Variants in PM20D2 observed in about 807,000 individuals in gnomAD.
PM20D2 encodes xaa-Arg dipeptidase.
Under a neutral mutation model 42.9 loss-of-function variants are expected in PM20D2, and 33 were observed. The observed-to-expected ratio is 0.77, with a 90% CI of 0.58 to 1.03. The LOEUF (loss-of-function observed/expected upper bound fraction) is 1.03, where lower values mean the gene tolerates loss of function less well. Among genes scored for constraint, PM20D2 ranks in the 50% least tolerant of loss-of-function variants. The pLI, the probability that PM20D2 is intolerant of heterozygous loss-of-function variation, is 0.00. For synonymous variants in PM20D2, 250 were observed against 228.2 expected (o/e 1.10, Z -0.86); for missense variants, 548 against 557.0 (o/e 0.98, Z 0.16).
chr6:89,111,010 G>A, the PM20D2 span, among the ~76,000 whole-genome samples: 1 of 152,222 alleles, frequency 6.6e-6, no homozygotes, highest in East Asian at 1.9e-4. Flanking sequence ...TACTTAGGAG[G>A]CTGAGGAAGA....
chr6:89,126,085 CAA>C, the PM20D2 span, among the ~76,000 whole-genome samples: 5 of 136,054 alleles, frequency 3.7e-5, no homozygotes, highest in Admixed American at 7.4e-5. Flanking sequence ...AACTCTGTCT[CAA>C]AAAAAAAAAA....
At chr6:89,156,829 T>C (rs1250479636) in intron 4 of PM20D2, among the ~76,000 whole-genome samples, 1 of 152,204 alleles carries the variant, frequency 6.6e-6, no homozygotes, top group Non-Finnish European at 1.5e-5. Context: ...TCGATAAACA[T>C]ATGGACAGAT....
chr6:89,146,596 C>T lies in PM20D2; in HGVS notation c.452C>T (p.Pro151Leu), dbSNP rs774134948. The change falls in exon 1 of 7, where the codon CCT becomes CTT. Residue 151 changes from proline to leucine, a missense_variant. This residue lies in a region of PM20D2 where 470 missense variants were observed against 464.4 expected (regional missense o/e 1.01). Coordinates refer to ENST00000275072, the MANE Select transcript of PM20D2 (RefSeq NM_001010853.3). ...GCCTTAGAGGGCCTCCCCAGGCCGC[C>T]TCCGCCCGTGAAGGTGAGGTGGGGC... Reference protein sequence around the residue: ...RGALEGLPRPPPPVKVVVLGT... With the variant: ...RGALEGLPRPLPPVKVVVLGT... 4 of 1,449,796 alleles carry T rather than the reference C, an allele frequency of 2.8e-6. No homozygotes were observed. In the South Asian group the frequency reaches 4.1e-5, roughly 15 times the overall value. 89.8% of individuals were successfully genotyped at this position (1,449,796 alleles called of 1,614,324 possible).
intron 4 of PM20D2, 99 bp downstream of exon 4, chr6:89,155,001 C>T (rs1271566033): frequency 9.1e-7 from 1 of 1,100,982 alleles, no homozygotes; most frequent in Non-Finnish European, 1.2e-6. Flanking sequence ...TATTTGGTGA[C>T]ATGTTGAATA....
chr6:89,117,698 C>G, the PM20D2 span: 1 of 973,514 alleles, frequency 1.0e-6, no homozygotes, highest in African/African-American at 1.8e-5. Flanking sequence ...AGTGGCGCAG[C>G]CTGGGCCCGC....
intron 1 of PM20D2, chr6:89,148,580 T>C (rs1365817609): frequency 1.0e-6 from 1 of 979,632 alleles, no homozygotes; most frequent in Non-Finnish European, 1.2e-6. Flanking sequence ...AATTAGTAAG[T>C]TTGTGTAATA....
At chr6:89,152,211 A>G (rs932028315) in intron 2 of PM20D2, among the ~76,000 whole-genome samples, 1 of 152,194 alleles carries the variant, frequency 6.6e-6, no homozygotes, top group African/African-American at 2.4e-5. Context: ...TTGTCCTGCT[A>G]ATAGAATGTC....
the PM20D2 span, among the ~76,000 whole-genome samples, chr6:89,094,225 ATTT>A: frequency 2.5e-3 from 356 of 144,500 alleles, 4 homozygotes; most frequent in African/African-American, 8.3e-3. Context: ...CGGCCTCTTT[ATTT>A]TTTTTTATTT....
chr6:89,151,163 G>GAA (rs1168004316), intron 2 of PM20D2, among the ~76,000 whole-genome samples: 2 of 62,006 alleles, frequency 3.2e-5, no homozygotes, highest in Non-Finnish European at 6.2e-5. Flanking sequence ...CAAAAAAAAA[G>GAA]AAAAAAAAAA....
intron 4 of PM20D2, among the ~76,000 whole-genome samples, chr6:89,158,110 T>A (rs900833229): frequency 1.3e-5 from 2 of 152,160 alleles, no homozygotes; most frequent in African/African-American, 4.8e-5. Context: ...TGGGGTTTAG[T>A]GTATATATAG....
chr6:89,152,254 T>C (rs1770874586), intron 2 of PM20D2, among the ~76,000 whole-genome samples: 1 of 152,210 alleles, frequency 6.6e-6, no homozygotes, highest in Non-Finnish European at 1.5e-5. Flanking sequence ...TCATAAGCAT[T>C]CTAAGGACTC....
chr6:89,116,731 G>A, the PM20D2 span, among the ~76,000 whole-genome samples: 1 of 151,394 alleles, frequency 6.6e-6, no homozygotes, highest in East Asian at 1.9e-4. Flanking sequence ...ACCAAGATCG[G>A]GCCATTGTAC....
intron 4 of PM20D2, among the ~76,000 whole-genome samples, chr6:89,158,015 A>G (rs1771109053): frequency 6.6e-6 from 1 of 152,114 alleles, no homozygotes; most frequent in South Asian, 2.1e-4. Flanking sequence ...TCAAAAATAA[A>G]ATAAAAATTT....
chr6:89,136,748 C>T, the PM20D2 span, among the ~76,000 whole-genome samples: 1 of 151,118 alleles, frequency 6.6e-6, no homozygotes, highest in Admixed American at 6.6e-5. Context: ...ATTTCATGCC[C>T]TTATTAATCT....
the PM20D2 span, among the ~76,000 whole-genome samples, chr6:89,136,043 G>A: frequency 6.6e-6 from 1 of 151,172 alleles, no homozygotes; most frequent in South Asian, 2.1e-4. Flanking sequence ...ACTGCTGGAT[G>A]CCATTTCTGC....
chr6:89,149,177 G>C (rs1770739019), intron 1 of PM20D2, 88 bp from the exon 2 acceptor site: 2 of 1,469,596 alleles, frequency 1.4e-6, no homozygotes, highest in African/African-American at 1.4e-5. Context: ...CTTTAATGTA[G>C]ATTGTGAATA....
the PM20D2 span, among the ~76,000 whole-genome samples, chr6:89,129,364 A>G: frequency 6.6e-6 from 1 of 152,184 alleles, no homozygotes; most frequent in Non-Finnish European, 1.5e-5. Context: ...AGATACTGCA[A>G]TCCTAGCCCT....
At chr6:89,114,222 G>T in the PM20D2 span, among the ~76,000 whole-genome samples, 1 of 152,174 alleles carries the variant, frequency 6.6e-6, no homozygotes, top group Non-Finnish European at 1.5e-5. Flanking sequence ...GACATCAAGA[G>T]TTCGAGACCA....
chr6:89,146,115 AGGGCGCAGAGGGCAGC>A lies in PM20D2; in HGVS notation c.-25_-10del. The A allele has an allele frequency of 7.1e-7, 1 of 1,399,590 alleles. No homozygotes were observed. Among genetic ancestry groups the A allele is most frequent in the Non-Finnish European group, 9.2e-7 (1 of 1,081,524 alleles). 86.7% of individuals were successfully genotyped at this position (1,399,590 alleles called of 1,614,324 possible). On this transcript the variant is annotated 5_prime_UTR_variant, in exon 1 of 7. Coordinates refer to ENST00000275072, the MANE Select transcript of PM20D2 (RefSeq NM_001010853.3). Reference sequence around the variant, plus strand: ...ACCTGCGGCCGAGCCAGGGAGCGAGAGGGCGCAGAGGGCAGCGGGCTTGGGCAGCATGAGGCCCGGA... The same window carrying A: ...ACCTGCGGCCGAGCCAGGGAGCGAGAGGGCTTGGGCAGCATGAGGCCCGGA...
Sources: gnomAD v4.1 joint callset for allele counts (sites outside exome capture counted in the v4.1 genomes callset) on GRCh38, gnomAD v4.1.1 for gene constraint, gnomAD v4.1.1 regional missense constraint, MANE v1.5 for transcripts, NCBI Gene and HGNC (gene_info 2026-07-23, HGNC 2026-07-21) for gene names.